GTF2A1: variants seen among roughly 807,000 people sequenced by gnomAD.
GTF2A1 encodes the protein transcription initiation factor IIA subunit 1.
In GTF2A1, 12 loss-of-function variants were observed where a neutral mutation model predicts 54.1. The ratio of observed to expected loss-of-function variants is 0.22; its 90% CI spans 0.14 to 0.36. The LOEUF is 0.36. Ranked by LOEUF, GTF2A1 falls within the 10% of genes least tolerant of loss-of-function variation. The pLI, the probability that GTF2A1 is intolerant of heterozygous loss-of-function variation, is 1.00. For synonymous variants in GTF2A1, 145 were observed against 152.0 expected (o/e 0.95, Z 0.34); for missense variants, 335 against 442.2 (o/e 0.76, Z 2.17).
At chr14:81,185,426 G>C in intron 8 of GTF2A1, 105 bp downstream of exon 8, 1 of 628,694 alleles carries the variant, frequency 1.6e-6, no homozygotes, top group Non-Finnish European at 2.9e-6. Context: ...ATGAATTTAA[G>C]AGGCATGAAT....
chr14:81,216,464 G>C lies in GTF2A1; in HGVS notation c.81C>G (p.Asp27Glu). Reference protein sequence around the residue: ...VIEDVINDVRDIFLDDGVDEQ... With the variant: ...VIEDVINDVREIFLDDGVDEQ... Reference sequence around the variant, plus strand: ...CATCCACTCCATCATCCAGAAAGATGTCTCTCACATCATTAATGACATCTT... The same window carrying C: ...CATCCACTCCATCATCCAGAAAGATCTCTCTCACATCATTAATGACATCTT... Residue 27 changes from aspartate (D) to glutamate (E), a missense_variant, in exon 2 of 9, where the codon GAC becomes GAG. By Grantham distance (45) the Asp-to-Glu change is conservative. Around this residue, in one of 2 missense-constraint regions of GTF2A1, gnomAD observed 306 missense variants for 360.4 expected, o/e 0.85. Transcript: ENST00000553612. 4 of 1,545,948 alleles carry C rather than the reference G, an allele frequency of 2.6e-6. No homozygotes were observed. The highest frequency in any genetic ancestry group is 3.6e-6 in the Non-Finnish European group (4 of 1,118,290).
chr14:81,200,925 G>C (rs1200051653), intron 4 of GTF2A1, among the ~76,000 whole-genome samples: 2 of 149,882 alleles, frequency 1.3e-5, no homozygotes, highest in Non-Finnish European at 3.0e-5. Flanking sequence ...CAAGGATATA[G>C]GTAAAGATTT....
chr14:81,218,115 A>C (rs954264483), intron 1 of GTF2A1, among the ~76,000 whole-genome samples: 1 of 151,802 alleles, frequency 6.6e-6, no homozygotes, highest in African/African-American at 2.4e-5. Flanking sequence ...TTAACCAATA[A>C]TTACTCCTCG....
At chr14:81,203,789 C>T (rs1893166060) in intron 3 of GTF2A1, 111 bp downstream of exon 3, 1 of 865,128 alleles carries the variant, frequency 1.2e-6, no homozygotes, top group East Asian at 2.5e-5. Flanking sequence ...TTTTTAGGTT[C>T]TCCATGTGCC....
intron 7 of GTF2A1, among the ~76,000 whole-genome samples, chr14:81,186,940 T>A (rs1892760994): frequency 6.7e-6 from 1 of 148,612 alleles, no homozygotes; most frequent in Non-Finnish European, 1.5e-5. Context: ...AACCTGAGAC[T>A]CTATATCAAC....
Position 81,201,244 on chromosome 14 carries a change from A to G in GTF2A1, c.402+350T>C, listed in dbSNP as rs1893103654. 1.3e-5 allele frequency among the ~76,000 whole-genome samples: 2 copies of G among 152,150 alleles called. 1 individual carries two copies. Among genetic ancestry groups the G allele is most frequent in the South Asian group, 4.1e-4 (2 of 4,834 alleles). On this transcript the variant is annotated intron_variant, in intron 4 of 8. Transcript: ENST00000553612. ...TATCTTCATTTTTTAAAAGTTCACA[A>G]TTCTTAGCCTTCCCACCCTCTTGCA...
chr14:81,190,550 T>C (rs989902532), intron 7 of GTF2A1, among the ~76,000 whole-genome samples: 1 of 152,056 alleles, frequency 6.6e-6, no homozygotes, highest in African/African-American at 2.4e-5. Flanking sequence ...CGTGAGAAAT[T>C]ATACAAATCA....
rs543697539 is a variant in GTF2A1 at position 81,219,403 on chromosome 14, G to A, written c.30+1086C>T. On this transcript the variant is annotated intron_variant, in intron 1 of 8. Transcript: ENST00000553612. Reference sequence around the variant, plus strand: ...GATCTGGTGTTTAAATGGAGAGGCGGTGACGTAGGCCTGAAAAGCACCTTC... The same window carrying A: ...GATCTGGTGTTTAAATGGAGAGGCGATGACGTAGGCCTGAAAAGCACCTTC... Among the ~76,000 whole-genome samples, 305 of 152,376 alleles carry A rather than the reference G, an allele frequency of 2.0e-3. 1 individual carries two copies. Among genetic ancestry groups the A allele is most frequent in the Middle Eastern group, 6.8e-3 (2 of 294 alleles).
intron 4 of GTF2A1, among the ~76,000 whole-genome samples, chr14:81,199,970 TA>T (rs1893068554): frequency 6.6e-6 from 1 of 151,024 alleles, no homozygotes; most frequent in African/African-American, 2.4e-5. Context: ...GGGTGGAGGT[TA>T]AAAAAAATTG....
At chr14:81,214,514 C>A (rs533683514) in intron 2 of GTF2A1, among the ~76,000 whole-genome samples, 1 of 151,912 alleles carries the variant, frequency 6.6e-6, no homozygotes, top group African/African-American at 2.4e-5. Context: ...GGCGTCGTGG[C>A]GGGCGCCTGT....
chr14:81,195,450 G>A (rs1361232237), intron 6 of GTF2A1, among the ~76,000 whole-genome samples: 2 of 151,538 alleles, frequency 1.3e-5, no homozygotes, highest in African/African-American at 4.8e-5. Flanking sequence ...TAGCTAACAC[G>A]GTGAAACCCC....
At position 81,196,116 on chromosome 14, in the gene GTF2A1, T is replaced by G. The variant is rs1169895027; in HGVS notation, c.604A>C (p.Ile202Leu). The G allele has an allele frequency of 3.7e-6, 6 of 1,613,504 alleles. No individual in the cohort carries two copies. Among genetic ancestry groups the G allele is most frequent in the Non-Finnish European group, 5.1e-6 (6 of 1,179,408 alleles). The change falls in exon 6 of 9, where the codon ATA (isoleucine) becomes CTA (leucine). Residue 202 changes from isoleucine to leucine, a missense_variant. Transcript: ENST00000553612. ...MQPGGVQAPV[I>L]QQVLAPLPGG... The stretch of plus-strand genomic sequence containing the variant: ...ATAGAAGATTATTTTACCTGCTGTA[T>G]AACAGGAGCTTGTACTCCACCAGGC...
chr14:81,192,493 T>C (rs1892896484), intron 7 of GTF2A1, 26 bp downstream of exon 7: 1 of 1,546,012 alleles, frequency 6.5e-7, no homozygotes, highest in East Asian at 2.2e-5. Context: ...AAGTAGATTA[T>C]TTTAAGTATG....
chr14:81,200,764 G>C (rs970360051), intron 4 of GTF2A1, among the ~76,000 whole-genome samples: 4 of 151,494 alleles, frequency 2.6e-5, no homozygotes, highest in African/African-American at 9.7e-5. Flanking sequence ...AGAATGAAAT[G>C]TAAGAGCTGA....
intron 2 of GTF2A1, 109 bp from the exon 3 acceptor site, chr14:81,204,213 C>A: frequency 2.4e-6 from 2 of 835,596 alleles, no homozygotes; most frequent in Non-Finnish European, 4.2e-6. Flanking sequence ...AAAACTGATA[C>A]AGACACAGAA....
At chr14:81,202,953 C>T in intron 3 of GTF2A1, 2 of 368,518 alleles carry the variant, frequency 5.4e-6, no homozygotes, top group South Asian at 4.2e-5. Context: ...TGTGTCATTA[C>T]CAATTTTAAG....
chr14:81,215,044 C>CT (rs1566862074), intron 2 of GTF2A1, among the ~76,000 whole-genome samples: 2 of 152,130 alleles, frequency 1.3e-5, no homozygotes, highest in African/African-American at 2.4e-5. Flanking sequence ...ACTTTTCATA[C>CT]TTTTAAAGTC....
chr14:81,189,446 C>G (rs553280999), intron 7 of GTF2A1, among the ~76,000 whole-genome samples: 2 of 152,032 alleles, frequency 1.3e-5, no homozygotes, highest in African/African-American at 4.8e-5. Flanking sequence ...CCAAGGTGGG[C>G]GGATCACGAG....
At chr14:81,209,438 G>A (rs1893313859) in intron 2 of GTF2A1, among the ~76,000 whole-genome samples, 1 of 152,092 alleles carries the variant, frequency 6.6e-6, no homozygotes, top group South Asian at 2.1e-4. Flanking sequence ...GTCTTTATCA[G>A]CAGTATGTAT....
Sources: gnomAD v4.1 joint callset for allele counts (sites outside exome capture counted in the v4.1 genomes callset) on GRCh38, gnomAD v4.1.1 for gene constraint, gnomAD v4.1.1 regional missense constraint, MANE v1.5 for transcripts, NCBI Gene and HGNC (gene_info 2026-07-23, HGNC 2026-07-21) for gene names.